Variants in XCR1 observed in about 807,000 individuals in gnomAD.
XCR1 encodes X-C motif chemokine receptor 1.
For missense variants in XCR1, 356 were observed against 424.2 expected, an observed-to-expected ratio of 0.84 and a Z score of 1.41; for synonymous variants, 187 against 188.5, an observed-to-expected ratio of 0.99 and a Z score of 0.06.
At chr3:46,050,985 T>C (rs866003201) in intron 5 of XCR1, among the ~76,000 whole-genome samples, 6 of 152,302 alleles carry the variant, frequency 3.9e-5, no homozygotes, top group Middle Eastern at 3.4e-3. Flanking sequence ...CTGCATTCAA[T>C]TGCTCTTTTA....
chr3:46,073,588 CA>C (rs1698198060), intron 3 of XCR1, among the ~76,000 whole-genome samples: 3 of 151,752 alleles, frequency 2.0e-5, no homozygotes, highest in African/African-American at 7.3e-5. Flanking sequence ...GATTCTTAAA[CA>C]AAAAACAAAA....
chr3:46,081,431 G>A (rs190320954), intron 1 of XCR1, among the ~76,000 whole-genome samples: 4 of 152,298 alleles, frequency 2.6e-5, no homozygotes, highest in Admixed American at 2.0e-4. Flanking sequence ...TTTCTTAAAG[G>A]TGATATCCTC....
intron 4 of XCR1, among the ~76,000 whole-genome samples, chr3:46,055,273 G>A (rs538002037): frequency 1.1e-4 from 17 of 152,216 alleles, no homozygotes; most frequent in South Asian, 4.2e-4. Context: ...AGAATCATAA[G>A]GCTTTTATTT....
chr3:46,023,966 C>T, intron 1 of XCR1: 2 of 1,460,582 alleles, frequency 1.4e-6, no homozygotes, highest in African/African-American at 1.4e-5. Context: ...GTAGAAACGT[C>T]AGAATTACGG....
At chr3:46,080,756 C>T (rs1262540688) in intron 1 of XCR1, among the ~76,000 whole-genome samples, 4 of 152,250 alleles carry the variant, frequency 2.6e-5, no homozygotes, top group Admixed American at 6.5e-5. Flanking sequence ...GCTTCAATTA[C>T]CCTTTAAATG....
intron 1 of XCR1, among the ~76,000 whole-genome samples, chr3:46,077,410 C>T (rs534962223): frequency 7.9e-5 from 12 of 151,952 alleles, no homozygotes; most frequent in South Asian, 6.2e-4. Context: ...GCCACTGTCT[C>T]CCATCACCTC....
Position 46,021,795 on chromosome 3 carries a change from C to T in XCR1, c.153G>A (p.Leu51=). ...VFLLSLVGNS[L]VLWVLVKYES... is the part of the protein sequence containing the mutation. ...CATACTTCACCAGGACCCACAGGACCAGGCTGTTGCCCACTAGGCTGAGGA... is the reference window on the plus strand; with the variant it reads ...CATACTTCACCAGGACCCACAGGACTAGGCTGTTGCCCACTAGGCTGAGGA... The change falls in exon 2 of 2, where the codon CTG becomes CTA. Residue 51 remains leucine, a synonymous_variant. Transcript: ENST00000309285. The surrounding 1 kb of genome is among the most constrained non-coding windows in gnomAD (Gnocchi z 4.7). The T allele has an allele frequency of 1.2e-6, 2 of 1,614,074 alleles. No homozygotes were observed. Among genetic ancestry groups the T allele is most frequent in the Non-Finnish European group, 1.7e-6 (2 of 1,180,012 alleles).
rs1380853652 is a variant in XCR1 at position 46,020,978 on chromosome 3, C to A, written c.970G>T (p.Ala324Ser). ...SPASIPHSPG[A>S]FAYEGASFY ...AAGGAGGCGCCCTCATAGGCGAAGGCACCAGGGGAGTGGGGGATCGAGGCT... is the reference window on the plus strand; with the variant it reads ...AAGGAGGCGCCCTCATAGGCGAAGGAACCAGGGGAGTGGGGGATCGAGGCT... The change falls in exon 2 of 2, where the codon GCC becomes TCC. Residue 324 changes from alanine (A) to serine (S), a missense_variant. Physicochemically the swap from Ala to Ser is moderately conservative, Grantham distance 99. Transcript: ENST00000309285. 6.2e-7 allele frequency: 1 copy of A among 1,612,546 alleles called. No homozygotes were observed. The highest frequency in any genetic ancestry group is 8.5e-7 in the Non-Finnish European group (1 of 1,179,290).
upstream of XCR1, among the ~76,000 whole-genome samples, chr3:46,030,056 TTG>T (rs1491157436): frequency 5.5e-5 from 8 of 146,306 alleles, no homozygotes; most frequent in African/African-American, 7.5e-5. Flanking sequence ...GTTTTTGTTT[TTG>T]TTTTTTTGGT....
intron 4 of XCR1, among the ~76,000 whole-genome samples, chr3:46,066,211 TCCCTCC>T (rs1213162618): frequency 1.5e-5 from 2 of 133,162 alleles, no homozygotes; most frequent in African/African-American, 6.5e-5. Flanking sequence ...CCTCCCTCCC[TCCCTCC>T]CTCGCTCTCT....
intron 4 of XCR1, among the ~76,000 whole-genome samples, chr3:46,060,094 A>C (rs1268968492): frequency 6.6e-6 from 1 of 152,248 alleles, no homozygotes; most frequent in African/African-American, 2.4e-5. Context: ...ACAAACATAT[A>C]ACAAAATAGA....
At position 46,020,186 on chromosome 3, in the gene XCR1, G is replaced by A. The variant is rs972359566; in HGVS notation, c.*760C>T. On this transcript the variant is annotated 3_prime_UTR_variant, in exon 2 of 2. Transcript: ENST00000309285. ...GTTCACCAAGGTAGGTGAGCCTTTG[G>A]AGCTGGGCTGTTGGCCCCTGGAGGG... The A allele has an allele frequency of 6.6e-6, 1 of 152,284 alleles. No individual in the cohort carries two copies. The highest frequency in any genetic ancestry group is 2.4e-5 in the African/African-American group (1 of 41,452). The allele number at this position is 152,284 out of a possible 1,614,324, so 9.4% of individuals were successfully genotyped here.
intron 1 of XCR1, chr3:46,023,314 C>A: frequency 1.1e-6 from 1 of 945,852 alleles, no homozygotes; most frequent in Non-Finnish European, 1.7e-6. Context: ...AATGGAAGGA[C>A]CCCTCAACCT....
chr3:46,069,136 T>C (rs1054467276), intron 3 of XCR1, among the ~76,000 whole-genome samples: 3 of 152,036 alleles, frequency 2.0e-5, no homozygotes, highest in African/African-American at 7.3e-5. Flanking sequence ...TATCACTAAA[T>C]GCTTACATTA....
chr3:46,023,274 C>T (rs1336145457), intron 1 of XCR1: 2 of 720,426 alleles, frequency 2.8e-6, no homozygotes, highest in Non-Finnish European at 4.8e-6. Flanking sequence ...CACCGCTCCC[C>T]TTCCTAAGGC....
At chr3:46,053,149 A>G (rs758843648) in intron 5 of XCR1, among the ~76,000 whole-genome samples, 41 of 152,232 alleles carry the variant, frequency 2.7e-4, no homozygotes, top group Non-Finnish European at 5.4e-4. Flanking sequence ...GTTTCACATC[A>G]AAGGGTAGAA....
At chr3:46,071,347 G>A (rs1244745145) in intron 3 of XCR1, among the ~76,000 whole-genome samples, 1 of 151,730 alleles carries the variant, frequency 6.6e-6, no homozygotes, top group Non-Finnish European at 1.5e-5. Context: ...TCAAAAAAAG[G>A]CCAGCACCAG....
At chr3:46,058,424 G>A (rs191633165) in intron 4 of XCR1, among the ~76,000 whole-genome samples, 1 of 152,272 alleles carries the variant, frequency 6.6e-6, no homozygotes, top group East Asian at 1.9e-4. Context: ...TTCTATGTCT[G>A]TCCTTAAAGA....
chr3:46,068,514 G>C (rs1698114051), intron 3 of XCR1, among the ~76,000 whole-genome samples: 1 of 152,130 alleles, frequency 6.6e-6, no homozygotes, highest in South Asian at 2.1e-4. Flanking sequence ...AGTGATGGTG[G>C]GAAGTTGGGG....
Sources: gnomAD v4.1 joint callset for allele counts (sites outside exome capture counted in the v4.1 genomes callset) on GRCh38, gnomAD v4.1.1 for gene constraint, Gnocchi (gnomAD v3.1) non-coding constraint, MANE v1.5 for transcripts, NCBI Gene and HGNC (gene_info 2026-07-23, HGNC 2026-07-21) for gene names.